SOX5: variants seen among roughly 807,000 people sequenced by gnomAD.
SOX5 encodes SRY-box transcription factor 5.
SOX5 carries 9 observed loss-of-function variants against 92.0 expected under a neutral mutation model. The observed-to-expected ratio is 0.10, with a 90% CI of 0.06 to 0.17. The LOEUF (loss-of-function observed/expected upper bound fraction) is 0.17. SOX5 is among the 10% of genes least tolerant of loss of function. The pLI, the probability that SOX5 is intolerant of heterozygous loss-of-function variation, is 1.00. For missense variants in SOX5, 642 were observed against 944.5 expected (o/e 0.68, Z 4.20); for synonymous variants, 344 against 336.3 (o/e 1.02, Z -0.25).
At chr12:23,582,243 C>T in intron 9 of SOX5, 1 of 984,992 alleles carries the variant, frequency 1.0e-6, no homozygotes, top group Non-Finnish European at 1.2e-6. Context: ...TTCACCTCTC[C>T]TACCCAAATA....
At chr12:23,717,636 A>G (rs554464194) in intron 6 of SOX5, among the ~76,000 whole-genome samples, 2 of 152,176 alleles carry the variant, frequency 1.3e-5, no homozygotes, top group African/African-American at 2.4e-5. Flanking sequence ...AAGAGTCCCT[A>G]TGAGTAGGAG....
intron 3 of SOX5, among the ~76,000 whole-genome samples, chr12:23,803,731 T>C (rs1474670370): frequency 6.6e-6 from 1 of 152,204 alleles, no homozygotes; most frequent in Admixed American, 6.5e-5. Context: ...GTAAATCTTA[T>C]GTAAGCACAA....
At chr12:23,635,088 T>C (rs1463856280) in intron 8 of SOX5, among the ~76,000 whole-genome samples, 1 of 152,124 alleles carries the variant, frequency 6.6e-6, no homozygotes, top group African/African-American at 2.4e-5. Context: ...AGAAGGGAAA[T>C]ACAGCATGCT....
intron 3 of SOX5, among the ~76,000 whole-genome samples, chr12:23,790,276 T>C (rs969089720): frequency 6.6e-6 from 1 of 152,212 alleles, no homozygotes; most frequent in African/African-American, 2.4e-5. Context: ...ATGTGAATTT[T>C]ATTATTTCAT....
chr12:23,796,815 T>C (rs930265497), intron 3 of SOX5, among the ~76,000 whole-genome samples: 2 of 149,728 alleles, frequency 1.3e-5, no homozygotes, highest in Admixed American at 6.7e-5. Flanking sequence ...TATATGTGTG[T>C]ATATTTAAAC....
intron 1 of SOX5, among the ~76,000 whole-genome samples, chr12:24,431,891 T>C (rs752216030): frequency 6.6e-6 from 1 of 152,182 alleles, no homozygotes; most frequent in Non-Finnish European, 1.5e-5. Flanking sequence ...GCAAGATCTA[T>C]AGGCTTTGAT....
At position 23,999,174 on chromosome 12, in the gene SOX5, GTGTA is replaced by G. The variant is rs756713715; in HGVS notation, c.-1-103154_-1-103151del. Among the ~76,000 whole-genome samples, 426 of 146,252 alleles carry G rather than the reference GTGTA, an allele frequency of 2.9e-3. 2 individuals carry two copies. The highest frequency in any genetic ancestry group is 4.0e-3 in the African/African-American group (147 of 36,870). Reference sequence around the variant, plus strand: ...TGTGTGTGTGTGTGTGTGTGTGTGTGTGTACCATTGCTTCTCTTAAGTGATTTAA... The same window carrying G: ...TGTGTGTGTGTGTGTGTGTGTGTGTGCCATTGCTTCTCTTAAGTGATTTAA... On this transcript the variant is annotated intron_variant, in intron 4 of 4. Transcript: ENST00000446891.
At chr12:23,984,784 A>G (rs1383295733) in intron 4 of SOX5, among the ~76,000 whole-genome samples, 1 of 152,206 alleles carries the variant, frequency 6.6e-6, no homozygotes, top group Non-Finnish European at 1.5e-5. Context: ...TGACTTTGCA[A>G]TAGATGTAGC....
chr12:24,025,396 C>T (rs1954769788), intron 4 of SOX5, among the ~76,000 whole-genome samples: 1 of 152,072 alleles, frequency 6.6e-6, no homozygotes, highest in Non-Finnish European at 1.5e-5. Flanking sequence ...AGAATCCAGT[C>T]TAGAGAGAAA....
chr12:24,104,727 T>C (rs1946480812), intron 4 of SOX5, among the ~76,000 whole-genome samples: 1 of 152,242 alleles, frequency 6.6e-6, no homozygotes, highest in African/African-American at 2.4e-5. Flanking sequence ...CAGAAATGTC[T>C]CTGCCAAAGG....
chr12:24,231,305 T>G (rs547704038), intron 3 of SOX5, among the ~76,000 whole-genome samples: 1 of 152,368 alleles, frequency 6.6e-6, no homozygotes, highest in East Asian at 1.9e-4. Context: ...CAGTGGAAAC[T>G]CTGCAAATGG....
rs116511761 is a variant in SOX5 at position 24,049,609 on chromosome 12, A to C, written c.-1-153585T>G. Among the ~76,000 whole-genome samples the C allele has an allele frequency of 6.2e-3, 897 of 145,216 alleles. 13 individuals carry two copies. Among genetic ancestry groups the C allele is most frequent in the African/African-American group, 0.023 (867 of 37,808 alleles). ...TCAGTAGGTAATAATCAGATATCTC[A>C]TAATGTTGATATTTTCCAATCCTTC... On this transcript the variant is annotated intron_variant, in intron 4 of 4. Transcript: ENST00000446891.
chr12:24,508,449 G>C (rs1949005872), intron 1 of SOX5, among the ~76,000 whole-genome samples: 1 of 152,132 alleles, frequency 6.6e-6, no homozygotes, highest in Admixed American at 6.5e-5. Context: ...AACTCAAGAG[G>C]AAAGGCAAAC....
intron 2 of SOX5, among the ~76,000 whole-genome samples, chr12:24,323,353 T>C (rs959908251): frequency 6.9e-4 from 104 of 151,160 alleles, no homozygotes; most frequent in African/African-American, 2.4e-3. Context: ...ATTAAGTTAG[T>C]TATATAATTA....
chr12:24,018,903 C>T (rs959100733), intron 4 of SOX5, among the ~76,000 whole-genome samples: 1 of 152,172 alleles, frequency 6.6e-6, no homozygotes, highest in African/African-American at 2.4e-5. Flanking sequence ...ATTATATTCT[C>T]TAAAATACTG....
chr12:24,413,910 A>G (rs1386544374), intron 1 of SOX5, among the ~76,000 whole-genome samples: 1 of 152,190 alleles, frequency 6.6e-6, no homozygotes, highest in Non-Finnish European at 1.5e-5. Context: ...AAATGTAAAA[A>G]CACTTGAGTG....
intron 4 of SOX5, among the ~76,000 whole-genome samples, chr12:24,014,894 G>T (rs531726920): frequency 6.6e-6 from 1 of 152,000 alleles, no homozygotes; most frequent in Non-Finnish European, 1.5e-5. Flanking sequence ...TTGGGAGAAG[G>T]GGATTTAGAG....
At chr12:24,548,545 A>G (rs1402213090) in intron 1 of SOX5, among the ~76,000 whole-genome samples, 1 of 152,162 alleles carries the variant, frequency 6.6e-6, no homozygotes, top group East Asian at 1.9e-4. Context: ...CCACCAGCAG[A>G]GTCCCCAGGA....
At chr12:23,834,680 G>T (rs2096384808) in intron 3 of SOX5, among the ~76,000 whole-genome samples, 1 of 151,832 alleles carries the variant, frequency 6.6e-6, no homozygotes, top group African/African-American at 2.4e-5. Flanking sequence ...ACAAATAAAT[G>T]GACAGTTTTA....
Sources: allele counts gnomAD v4.1 joint callset (sites outside exome capture counted in the v4.1 genomes callset), GRCh38; gene constraint gnomAD v4.1.1; transcripts MANE v1.5; gene names NCBI Gene and HGNC (gene_info 2026-07-23, HGNC 2026-07-21).